Variants in ABCC4 observed in about 807,000 individuals in gnomAD.
ABCC4 encodes the protein ATP-binding cassette sub-family C member 4.
ABCC4 carries 102 observed loss-of-function variants against 168.5 expected under a neutral mutation model. The observed-to-expected ratio is 0.61, with a 90% confidence interval of 0.52 to 0.71. ABCC4 has a LOEUF of 0.71. Among genes scored for constraint, ABCC4 ranks in the 30% least tolerant of loss-of-function variants. The pLI is 0.00. For synonymous variants in ABCC4, 617 were observed against 590.7 expected (o/e 1.04, Z -0.65); for missense variants, 1,402 against 1,605.8 (o/e 0.87, Z 2.17).
intron 19 of ABCC4, among the ~76,000 whole-genome samples, chr13:95,141,313 C>T (rs2036309705): frequency 6.6e-6 from 1 of 152,146 alleles, no homozygotes; most frequent in Non-Finnish European, 1.5e-5. Flanking sequence ...CTGTTTAGGT[C>T]GATTTACTTT....
intron 26 of ABCC4, 61 bp from the exon 27 acceptor site, chr13:95,053,245 C>T (rs1026030356): frequency 2.4e-6 from 3 of 1,242,452 alleles, no homozygotes; most frequent in African/African-American, 1.5e-5. Context: ...TATTCCAATG[C>T]TAACATCAAC....
chr13:95,152,915 G>A, intron 19 of ABCC4, among the ~76,000 whole-genome samples: 1 of 152,148 alleles, frequency 6.6e-6, no homozygotes, highest in East Asian at 1.9e-4. Flanking sequence ...AGGGGAAGCA[G>A]TTGGCCTTAC....
Position 95,068,508 on chromosome 13 carries a change from G to A in ABCC4, c.3210+3154C>T, listed in dbSNP as rs192872601. 4.1e-5 allele frequency among the ~76,000 whole-genome samples: 6 copies of A among 145,356 alleles called. No individual in the cohort carries two copies. In the East Asian group the frequency reaches 1.1e-3, roughly 26 times the overall value. ...GGCATGGCAGCGGGTGCCTGTAATT[G>A]CAGCTACTCGGGAGGCTGAGGCAGG... On this transcript the variant is annotated intron_variant, in intron 25 of 30. Coordinates refer to ENST00000645237, the MANE Select transcript of ABCC4 (RefSeq NM_005845.5).
chr13:95,210,143 G>A (rs528904521), intron 5 of ABCC4, among the ~76,000 whole-genome samples: 10 of 152,374 alleles, frequency 6.6e-5, no homozygotes, highest in Middle Eastern at 3.4e-3. Context: ...CCAGCAGCTA[G>A]AATGCCCTGG....
At chr13:95,232,119 CTGA>C (rs1163707224) in intron 4 of ABCC4, among the ~76,000 whole-genome samples, 6 of 150,674 alleles carry the variant, frequency 4.0e-5, no homozygotes, top group East Asian at 1.9e-4. Flanking sequence ...GCTGCTGCTG[CTGA>C]TGATGATGGT....
At chr13:95,186,677 T>A in intron 11 of ABCC4, 24 bp downstream of exon 11, 3 of 1,603,152 alleles carry the variant, frequency 1.9e-6, no homozygotes, top group East Asian at 4.5e-5. Flanking sequence ...TTCGAGTACA[T>A]GAAATCCAAA....
chr13:95,164,040 C>CAAAAAAAA (rs764381643), intron 16 of ABCC4, among the ~76,000 whole-genome samples: 4 of 74,678 alleles, frequency 5.4e-5, no homozygotes, highest in African/African-American at 1.3e-4. Context: ...AACTCCATCT[C>CAAAAAAAA]AAAAAAAAAA....
At chr13:95,132,625 TATTGG>T (rs2036008052) in intron 19 of ABCC4, among the ~76,000 whole-genome samples, 1 of 152,230 alleles carries the variant, frequency 6.6e-6, no homozygotes, top group Admixed American at 6.5e-5. Flanking sequence ...TATAATTTTT[TATTGG>T]ATTGTTTTTC....
rs1458725696 is a variant in ABCC4 at position 95,247,085 on chromosome 13, T to C, written c.196A>G (p.Lys66Glu). The C allele has an allele frequency of 1.2e-6, 2 of 1,613,476 alleles. No homozygotes were observed. The highest frequency in any genetic ancestry group is 2.7e-5 in the African/African-American group (2 of 74,878). ...LGEELQGFWDKEVLRAENDAQ... is the reference protein window; with the variant it reads ...LGEELQGFWDEEVLRAENDAQ... ...TCATTCTCAGCTCTTAAAACTTCTTTATCCCAGAACCTACAATGAGGAAAA... is the reference window on the plus strand; with the variant it reads ...TCATTCTCAGCTCTTAAAACTTCTTCATCCCAGAACCTACAATGAGGAAAA... Residue 66 changes from lysine (K) to glutamate (E), a missense_variant, in exon 3 of 31, where the codon AAA becomes GAA. Lys to Glu is a moderately conservative substitution (Grantham distance 56). This residue lies in a region of ABCC4 where 317 missense variants were observed against 345.5 expected (regional missense o/e 0.92). Transcript: ENST00000645237.
Position 95,177,441 on chromosome 13 carries a change from C to T in ABCC4, c.1727+266G>A, listed in dbSNP as rs113471695. Reference sequence around the variant, plus strand: ...GTAATTACTAGTAGGGGAAAACTTGCAAAATTTGCCATCTGTTTCTCAACT... The same window carrying T: ...GTAATTACTAGTAGGGGAAAACTTGTAAAATTTGCCATCTGTTTCTCAACT... On this transcript the variant is annotated intron_variant, in intron 13 of 30. Coordinates refer to ENST00000645237, the MANE Select transcript of ABCC4 (RefSeq NM_005845.5). 1.7e-3 allele frequency among the ~76,000 whole-genome samples: 256 copies of T among 152,268 alleles called. 2 individuals carry two copies. Among genetic ancestry groups the T allele is most frequent in the African/African-American group, 6.0e-3 (249 of 41,564 alleles).
intron 1 of ABCC4, among the ~76,000 whole-genome samples, chr13:95,286,135 T>TTTTTTTTTTTTTTTTTG: frequency 6.9e-6 from 1 of 145,894 alleles, no homozygotes; most frequent in Non-Finnish European, 1.5e-5. Context: ...TTTTTTTTTT[T>TTTTTTTTTTTTTTTTTG]TTGAGACGGA....
intron 19 of ABCC4, among the ~76,000 whole-genome samples, chr13:95,122,941 C>T (rs2035627278): frequency 1.3e-5 from 2 of 152,162 alleles, no homozygotes; most frequent in Non-Finnish European, 2.9e-5. Flanking sequence ...TTGTTTCTTG[C>T]CTTTTCATAT....
chr13:95,265,055 G>T (rs992983855), intron 1 of ABCC4, among the ~76,000 whole-genome samples: 1 of 152,014 alleles, frequency 6.6e-6, no homozygotes, highest in African/African-American at 2.4e-5. Flanking sequence ...TTTTAGCAGA[G>T]ATGGGGTTTT....
chr13:95,032,639 G>A (rs1223887950), intron 30 of ABCC4, among the ~76,000 whole-genome samples: 1 of 150,284 alleles, frequency 6.7e-6, no homozygotes, highest in Non-Finnish European at 1.5e-5. Context: ...AATACCATTA[G>A]ATATGGGAAC....
At chr13:95,298,774 C>G (rs1566611527) in intron 1 of ABCC4, among the ~76,000 whole-genome samples, 1 of 152,144 alleles carries the variant, frequency 6.6e-6, no homozygotes, top group Non-Finnish European at 1.5e-5. Flanking sequence ...GGAGCCTGCT[C>G]TGACACTTGA....
intron 1 of ABCC4, 37 bp downstream of exon 1, chr13:95,301,204 G>C (rs1237006881): frequency 1.2e-5 from 18 of 1,556,310 alleles, no homozygotes; most frequent in Non-Finnish European, 1.6e-5. Flanking sequence ...CGGCGCCAGC[G>C]GCTGCAGGGT....
intron 1 of ABCC4, among the ~76,000 whole-genome samples, chr13:95,267,610 G>C (rs559589656): frequency 6.6e-6 from 1 of 152,336 alleles, no homozygotes; most frequent in South Asian, 2.1e-4. Flanking sequence ...AAGGAGTGGA[G>C]GGGAAGGAAG....
chr13:95,274,717 C>T (rs915213973), intron 1 of ABCC4, among the ~76,000 whole-genome samples: 1 of 152,170 alleles, frequency 6.6e-6, no homozygotes, highest in Non-Finnish European at 1.5e-5. Flanking sequence ...GTATAATAAC[C>T]TTGGCCTTCC....
intron 21 of ABCC4, 84 bp downstream of exon 21, chr13:95,083,056 C>T: frequency 6.8e-7 from 1 of 1,471,054 alleles, no homozygotes; most frequent in Non-Finnish European, 9.2e-7. Context: ...ACAGAGTCTG[C>T]CGAATTTCAG....
Sources: allele counts gnomAD v4.1 joint callset (sites outside exome capture counted in the v4.1 genomes callset), GRCh38; gene constraint gnomAD v4.1.1; regional missense constraint gnomAD v4.1.1; transcripts MANE v1.5; gene names NCBI Gene and HGNC (gene_info 2026-07-23, HGNC 2026-07-21).